CNIH3: variants seen among roughly 807,000 people sequenced by gnomAD.
CNIH3 encodes protein cornichon homolog 3.
In CNIH3, 14 loss-of-function variants were observed where a neutral mutation model predicts 24.1. That is an observed-to-expected ratio of 0.58 (90% CI 0.38 to 0.91). The LOEUF is 0.91. Among genes scored for constraint, CNIH3 ranks in the 40% least tolerant of loss-of-function variants. CNIH3 has a pLI of 0.00. For missense variants in CNIH3, 178 were observed against 196.8 expected (o/e 0.90, Z 0.57); for synonymous variants, 68 against 73.8 (o/e 0.92, Z 0.40).
downstream of CNIH3, among the ~76,000 whole-genome samples, chr1:224,539,854 C>A (rs1443128384): frequency 6.6e-6 from 1 of 152,130 alleles, no homozygotes; most frequent in Non-Finnish European, 1.5e-5. Flanking sequence ...ATTTTCTATT[C>A]TAGTACTTCT....
At chr1:224,565,996 G>T (rs1039061492) in intron 3 of CNIH3, among the ~76,000 whole-genome samples, 4 of 150,438 alleles carry the variant, frequency 2.7e-5, no homozygotes, top group Admixed American at 6.6e-5. Context: ...ATCTTCTGGA[G>T]CACCAGTGAA....
At position 224,471,395 on chromosome 1, in the gene CNIH3, C is replaced by T. The variant is rs182302744; in HGVS notation, n.203+36533C>T. Among the ~76,000 whole-genome samples the T allele has an allele frequency of 2.6e-5, 4 of 152,278 alleles. No individual in the cohort carries two copies. The East Asian group carries it at 7.7e-4, about 29-fold the overall frequency. ...CCATTAACCATCCCCTCTTCCTCCC[C>T]ACTCCCCCACTACCCTTCCCAGCTT... On this transcript the variant is annotated intron_variant and non_coding_transcript_variant, in intron 1 of 5. Coordinates refer to the CNIH3 transcript ENST00000471578.
intron 3 of CNIH3, among the ~76,000 whole-genome samples, chr1:224,698,982 A>AGACTCGGAGGGCTAT (rs143939876): frequency 0.5 from 76,021 of 151,982 alleles, 19,913 homozygotes; most frequent in Middle Eastern, 0.67. Context: ...TGGGGAGCTG[A>AGACTCGGAGGGCTAT]GAGGTCACTT....
intron 1 of CNIH3, among the ~76,000 whole-genome samples, chr1:224,634,251 T>C (rs1308557417): frequency 6.6e-6 from 1 of 152,246 alleles, no homozygotes; most frequent in African/African-American, 2.4e-5. Context: ...GCAGAGCATG[T>C]GCTCACTTGG....
intron 2 of CNIH3, among the ~76,000 whole-genome samples, chr1:224,546,423 G>A (rs955225083): frequency 6.6e-6 from 1 of 152,168 alleles, no homozygotes; most frequent in African/African-American, 2.4e-5. Flanking sequence ...CAGTTAGCAT[G>A]AATTAGGAGA....
intron 1 of CNIH3, among the ~76,000 whole-genome samples, chr1:224,674,446 A>G (rs1572701509): frequency 6.6e-6 from 1 of 151,700 alleles, no homozygotes; most frequent in South Asian, 2.1e-4. Flanking sequence ...ATAGTTTCCC[A>G]CCTCTTGAGG....
At chr1:224,621,122 A>C (rs1385419607) in intron 1 of CNIH3, among the ~76,000 whole-genome samples, 1 of 152,234 alleles carries the variant, frequency 6.6e-6, no homozygotes, top group Non-Finnish European at 1.5e-5. Flanking sequence ...TTTACAAATA[A>C]AATTAATTCC....
At chr1:224,442,558 C>G (rs1301241500) in intron 1 of CNIH3, among the ~76,000 whole-genome samples, 1 of 151,650 alleles carries the variant, frequency 6.6e-6, no homozygotes, top group Admixed American at 6.6e-5. Flanking sequence ...CTTTTTTTTC[C>G]CTGTGATGGC....
chr1:224,485,270 T>C (rs1676982478), intron 1 of CNIH3, among the ~76,000 whole-genome samples: 1 of 152,130 alleles, frequency 6.6e-6, no homozygotes, highest in South Asian at 2.1e-4. Context: ...AGAACTCAGG[T>C]TTTAACAGGA....
At chr1:224,696,770 A>AC (rs1466752137) in intron 3 of CNIH3, among the ~76,000 whole-genome samples, 13 of 117,114 alleles carry the variant, frequency 1.1e-4, no homozygotes, top group African/African-American at 3.6e-4. Flanking sequence ...AAGGGGATAA[A>AC]TTTGTGTGTG....
At chr1:224,622,342 C>T (rs1683321951) in intron 1 of CNIH3, among the ~76,000 whole-genome samples, 1 of 152,202 alleles carries the variant, frequency 6.6e-6, no homozygotes, top group South Asian at 2.1e-4. Context: ...GGAGCTGGTT[C>T]TCTTTCAGAG....
intron 3 of CNIH3, among the ~76,000 whole-genome samples, chr1:224,600,212 G>A (rs1251619461): frequency 2.8e-5 from 4 of 140,592 alleles, no homozygotes; most frequent in Non-Finnish European, 4.6e-5. Flanking sequence ...TTTTTGAGAC[G>A]TAGTTTCACT....
In CNIH3 at chr1:224,647,935, A is replaced by G. The variant is rs1412336843; in HGVS notation, c.81+30680A>G. Among the ~76,000 whole-genome samples, 15 of 152,308 alleles carry G rather than the reference A, an allele frequency of 9.8e-5. No individual in the cohort carries two copies. The East Asian group carries it at 2.5e-3, about 25-fold the overall frequency. ...CTCAGCCAGGCTTTGGAACTGTTCTATCTTAGGGTACTGGTTACGGGAACG... is the reference window on the plus strand; with the variant it reads ...CTCAGCCAGGCTTTGGAACTGTTCTGTCTTAGGGTACTGGTTACGGGAACG... On this transcript the variant is annotated intron_variant, in intron 1 of 5. Transcript: ENST00000272133.
chr1:224,693,247 C>T (rs1250741219), intron 3 of CNIH3, among the ~76,000 whole-genome samples: 1 of 152,208 alleles, frequency 6.6e-6, no homozygotes, highest in Non-Finnish European at 1.5e-5. Context: ...CCTCACTTCA[C>T]TCCTTCCCTA....
rs57397695 is a variant in CNIH3, at chr1:224,477,266, G to T, written n.204-38475G>T. On this transcript the variant is annotated intron_variant and non_coding_transcript_variant, in intron 1 of 5. Transcript: ENST00000471578. Reference sequence around the variant, plus strand: ...GGTAGTTCTTGGAGCAAAAGTTCACGATGTGAGTCTCCACATGCTGTTCTG... The same window carrying T: ...GGTAGTTCTTGGAGCAAAAGTTCACTATGTGAGTCTCCACATGCTGTTCTG... 8.0e-4 allele frequency among the ~76,000 whole-genome samples: 121 copies of T among 151,318 alleles called. 1 individual carries two copies. Among genetic ancestry groups the T allele is most frequent in the African/African-American group, 2.6e-3 (107 of 40,624 alleles).
At chr1:224,579,959 A>G (rs1572516495) in intron 4 of CNIH3, among the ~76,000 whole-genome samples, 1 of 152,218 alleles carries the variant, frequency 6.6e-6, no homozygotes. Context: ...AAACGGACAA[A>G]GACAGAGTGA....
intron 1 of CNIH3, among the ~76,000 whole-genome samples, chr1:224,482,729 TC>T (rs1676864992): frequency 6.6e-6 from 1 of 152,064 alleles, no homozygotes; most frequent in African/African-American, 2.4e-5. Flanking sequence ...ATGCAAGCAC[TC>T]CCTTAGCCAC....
At chr1:224,495,338 C>T (rs1558107085) in intron 1 of CNIH3, among the ~76,000 whole-genome samples, 1 of 152,154 alleles carries the variant, frequency 6.6e-6, no homozygotes, top group Non-Finnish European at 1.5e-5. Flanking sequence ...TTTGTCAATC[C>T]AATATGATTT....
chr1:224,569,795 T>C (rs931678702), intron 4 of CNIH3, among the ~76,000 whole-genome samples: 1 of 150,768 alleles, frequency 6.6e-6, no homozygotes, highest in African/African-American at 2.4e-5. Flanking sequence ...TTTTCTTTCT[T>C]TTTTTTTTAG....
Sources: gnomAD v4.1 joint callset for allele counts (sites outside exome capture counted in the v4.1 genomes callset) on GRCh38, gnomAD v4.1.1 for gene constraint, MANE v1.5 for transcripts, NCBI Gene and HGNC (gene_info 2026-07-23, HGNC 2026-07-21) for gene names.